Variants in TMEM132D observed in about 807,000 individuals in gnomAD.
TMEM132D encodes transmembrane protein 132D.
Under a neutral mutation model 62.3 loss-of-function variants are expected in TMEM132D, and 21 were observed. That is an observed-to-expected ratio of 0.34 (90% CI 0.24 to 0.49). The LOEUF is 0.49. Among genes scored for constraint, TMEM132D ranks in the 20% least tolerant of loss-of-function variants. The pLI, the probability that TMEM132D is intolerant of heterozygous loss-of-function variation, is 0.99. For synonymous variants in TMEM132D, 621 were observed against 575.6 expected (o/e 1.08, Z -1.13); for missense variants, 1,346 against 1,402.8 (o/e 0.96, Z 0.65).
At chr12:129,167,171 CA>C (rs199851377) in intron 5 of TMEM132D, among the ~76,000 whole-genome samples, 1,352 of 51,674 alleles carry the variant, frequency 0.026, 27 homozygotes, top group Admixed American at 0.13. Flanking sequence ...AAAAAAAAAA[CA>C]AAAAAAAAAC....
At chr12:129,626,751 G>A (rs140534843) in intron 2 of TMEM132D, among the ~76,000 whole-genome samples, 15 of 152,108 alleles carry the variant, frequency 9.9e-5, no homozygotes, top group East Asian at 3.9e-4. Context: ...CCACCAGGCC[G>A]GCCTAGTGCA....
rs561122932 is a variant in TMEM132D at position 129,842,858 on chromosome 12, C to A, written c.79+60403G>T. Among the ~76,000 whole-genome samples the A allele has an allele frequency of 7.4e-4, 112 of 152,312 alleles. 1 individual carries two copies. The highest frequency in any genetic ancestry group is 4.6e-3 in the East Asian group (24 of 5,174). On this transcript the variant is annotated intron_variant, in intron 1 of 8. Transcript: ENST00000422113. ...ACACGGTATCTGCTAAGAGACGAGTCATCCTGTTTGCTTTTGTTGTGTTCA... is the reference window on the plus strand; with the variant it reads ...ACACGGTATCTGCTAAGAGACGAGTAATCCTGTTTGCTTTTGTTGTGTTCA...
At chr12:129,310,607 G>C (rs1384124431) in intron 4 of TMEM132D, among the ~76,000 whole-genome samples, 1 of 152,216 alleles carries the variant, frequency 6.6e-6, no homozygotes, top group Non-Finnish European at 1.5e-5. Flanking sequence ...AACAAAGATT[G>C]TGCAAGAGAG....
chr12:129,798,752 G>T (rs1459293182), intron 1 of TMEM132D, among the ~76,000 whole-genome samples: 3 of 11,958 alleles, frequency 2.5e-4, no homozygotes, highest in African/African-American at 4.5e-4. Flanking sequence ...CTGGCTTAGA[G>T]AAGGGGTGGA....
chr12:129,673,473 T>C (rs1395662210), intron 2 of TMEM132D, among the ~76,000 whole-genome samples: 1 of 152,210 alleles, frequency 6.6e-6, no homozygotes, highest in Non-Finnish European at 1.5e-5. Context: ...ATAACTGTTG[T>C]ACATCAGCCA....
At chr12:129,630,117 C>CAGAT (rs1463836605) in intron 2 of TMEM132D, among the ~76,000 whole-genome samples, 1 of 152,168 alleles carries the variant, frequency 6.6e-6, no homozygotes, top group Non-Finnish European at 1.5e-5. Context: ...GTAGATTTTC[C>CAGAT]AGATATCCCA....
At chr12:129,537,971 C>T (rs1042519276) in intron 2 of TMEM132D, among the ~76,000 whole-genome samples, 10 of 152,132 alleles carry the variant, frequency 6.6e-5, no homozygotes, top group African/African-American at 1.2e-4. Flanking sequence ...CTCATCGACG[C>T]GGCACACAGG....
Position 129,277,830 on chromosome 12 carries a change from C to T in TMEM132D, c.1299+59804G>A, listed in dbSNP as rs1881040978. On this transcript the variant is annotated intron_variant, in intron 4 of 8. Coordinates refer to ENST00000422113, the MANE Select transcript of TMEM132D (RefSeq NM_133448.3). The surrounding 1 kb of genome is among the most constrained non-coding windows in gnomAD (Gnocchi z 4.2). ...ATGACAAAGTTTGGAAAATACTGAC[C>T]CAGAGGATGGATCCTTAGGCTTAAG... Among the ~76,000 whole-genome samples the T allele has an allele frequency of 1.3e-5, 2 of 152,068 alleles. No individual in the cohort carries two copies. Among genetic ancestry groups the T allele is most frequent in the Non-Finnish European group, 2.9e-5 (2 of 68,010 alleles).
chr12:129,341,737 C>T (rs1422079775), intron 3 of TMEM132D, among the ~76,000 whole-genome samples: 1 of 152,052 alleles, frequency 6.6e-6, no homozygotes, highest in Non-Finnish European at 1.5e-5. Flanking sequence ...GGGCAGGATA[C>T]AAAATCAATG....
intron 3 of TMEM132D, chr12:129,522,631 G>T (rs1197191441): frequency 1.3e-5 from 2 of 152,160 alleles, no homozygotes; most frequent in Non-Finnish European, 2.9e-5. Context: ...CTGTCGCAAA[G>T]AACACTCCCT....
intron 2 of TMEM132D, among the ~76,000 whole-genome samples, chr12:129,684,119 A>T (rs1214599465): frequency 6.6e-6 from 1 of 152,030 alleles, no homozygotes; most frequent in Non-Finnish European, 1.5e-5. Context: ...CCAAATAATT[A>T]TAATAATAAT....
intron 1 of TMEM132D, among the ~76,000 whole-genome samples, chr12:129,804,573 C>G (rs1375293066): frequency 2.7e-5 from 4 of 147,312 alleles, no homozygotes; most frequent in Admixed American, 6.8e-5. Flanking sequence ...GACAAACCCA[C>G]AGCCAATATC....
At chr12:129,376,057 T>A (rs970055601) in intron 3 of TMEM132D, among the ~76,000 whole-genome samples, 1 of 152,190 alleles carries the variant, frequency 6.6e-6, no homozygotes, top group Non-Finnish European at 1.5e-5. Flanking sequence ...AGGGTGAGAA[T>A]GTGATGTTAA....
Position 129,468,779 on chromosome 12 carries a change from A to T in TMEM132D, c.1115+62280T>A, listed in dbSNP as rs1874003099. On this transcript the variant is annotated intron_variant, in intron 3 of 8. Coordinates refer to ENST00000422113, the MANE Select transcript of TMEM132D (RefSeq NM_133448.3). ...AAAACAACTCTTCCCTCTGACAGCC[A>T]TATATTTCTAAGTGCTCCAAGCTGA... Among the ~76,000 whole-genome samples, 5 of 152,182 alleles carry T rather than the reference A, an allele frequency of 3.3e-5. No homozygotes were observed. The South Asian group carries it at 1.0e-3, about 31-fold the overall frequency.
intron 3 of TMEM132D, among the ~76,000 whole-genome samples, chr12:129,394,789 G>T (rs1871377727): frequency 6.6e-6 from 1 of 152,242 alleles, no homozygotes; most frequent in African/African-American, 2.4e-5. Flanking sequence ...TCCAGAAGTG[G>T]CAAATCTATC....
chr12:129,323,128 G>A (rs555306768), intron 4 of TMEM132D, among the ~76,000 whole-genome samples: 2 of 152,174 alleles, frequency 1.3e-5, no homozygotes, highest in Non-Finnish European at 1.5e-5. Context: ...TATCCCTTAG[G>A]TAGTAATTTT....
intron 2 of TMEM132D, among the ~76,000 whole-genome samples, chr12:129,686,953 T>C (rs1880937152): frequency 1.3e-5 from 2 of 152,222 alleles, no homozygotes; most frequent in Admixed American, 6.5e-5. Context: ...CTAGCTGTTT[T>C]TCAATCAAAT....
At chr12:129,816,407 C>T (rs1277156577) in intron 1 of TMEM132D, among the ~76,000 whole-genome samples, 2 of 152,106 alleles carry the variant, frequency 1.3e-5, no homozygotes, top group South Asian at 2.1e-4. Flanking sequence ...TGACTTCCTC[C>T]GTATGCGAGA....
At chr12:129,488,319 C>A (rs1874652864) in intron 3 of TMEM132D, among the ~76,000 whole-genome samples, 1 of 152,228 alleles carries the variant, frequency 6.6e-6, no homozygotes, top group East Asian at 1.9e-4. Flanking sequence ...AGCCCTGCAG[C>A]TTCCTTTGGA....
Sources: gnomAD v4.1 joint callset for allele counts (sites outside exome capture counted in the v4.1 genomes callset) on GRCh38, gnomAD v4.1.1 for gene constraint, Gnocchi (gnomAD v3.1) non-coding constraint, MANE v1.5 for transcripts, NCBI Gene and HGNC (gene_info 2026-07-23, HGNC 2026-07-21) for gene names.